Variants in CDC20B observed in about 807,000 individuals in gnomAD.
CDC20B encodes cell division cycle protein 20 homolog B.
Under a neutral mutation model 64.1 loss-of-function variants are expected in CDC20B, and 58 were observed. That is an observed-to-expected ratio of 0.90 (90% CI 0.73 to 1.13). CDC20B has a LOEUF of 1.13. Ranked by LOEUF, CDC20B falls within the 50% of genes most tolerant of loss-of-function variation. CDC20B has a pLI of 0.00. For synonymous variants in CDC20B, 243 were observed against 230.6 expected, an observed-to-expected ratio of 1.05 and a Z score of -0.49; for missense variants, 597 against 633.0, an observed-to-expected ratio of 0.94 and a Z score of 0.61.
In CDC20B at chr5:55,114,385, G is replaced by A. The variant is rs1252191695; in HGVS notation, c.1460-67C>T. ...CATGGGCTGCTGCTCAGGACTGTAG[G>A]CAATGTAAGTTGGGGCCATGAGTCC... On this transcript the variant is annotated intron_variant, in intron 11 of 11. Transcript: ENST00000381375. This position sits in a 1 kb window ranked among gnomAD's most constrained non-coding sequence, Gnocchi z 4.1. The A allele has an allele frequency of 1.3e-6, 2 of 1,556,746 alleles. No homozygotes were observed. The highest frequency in any genetic ancestry group is 1.7e-6 in the Non-Finnish European group (2 of 1,150,382).
chr5:55,121,779 A>G (rs1292199368), intron 9 of CDC20B, among the ~76,000 whole-genome samples: 1 of 152,154 alleles, frequency 6.6e-6, no homozygotes, highest in Non-Finnish European at 1.5e-5. Flanking sequence ...TACAAAACAG[A>G]TTATAAGGGT....
At chr5:55,139,620 G>T (rs1743276437) in intron 5 of CDC20B, among the ~76,000 whole-genome samples, 1 of 152,140 alleles carries the variant, frequency 6.6e-6, no homozygotes, top group Non-Finnish European at 1.5e-5. Context: ...TATATTATTT[G>T]GCTTGATAGT....
intron 2 of CDC20B, chr5:55,160,122 T>C (rs2111932318): frequency 8.6e-7 from 1 of 1,165,432 alleles, no homozygotes; most frequent in Non-Finnish European, 1.3e-6. Flanking sequence ...TCCGTTAAAC[T>C]AAGCCGGTTT....
chr5:55,127,956 C>G (rs1217254046), intron 7 of CDC20B, among the ~76,000 whole-genome samples: 1 of 152,004 alleles, frequency 6.6e-6, no homozygotes, highest in Non-Finnish European at 1.5e-5. Flanking sequence ...ATTGTTTATT[C>G]TATTGGTAAT....
At chr5:55,154,687 G>T (rs1743761879) in intron 2 of CDC20B, among the ~76,000 whole-genome samples, 2 of 152,148 alleles carry the variant, frequency 1.3e-5, no homozygotes, top group Admixed American at 1.3e-4. Context: ...AGCACAGTTT[G>T]AATATAAAGT....
rs1320272331 is a variant in CDC20B, at chr5:55,134,452, A to ACC, written c.581-926_581-925dup. ...CAACAAGGTTAAAAAAAAAATCAATACCCAAAGAATGAACAAAAAAACTCC... is the reference window on the plus strand; with the variant it reads ...CAACAAGGTTAAAAAAAAAATCAATACCCCCAAAGAATGAACAAAAAAACTCC... On this transcript the variant is annotated intron_variant, in intron 5 of 11. Coordinates refer to ENST00000381375, the MANE Select transcript of CDC20B (RefSeq NM_001170402.1). Among the ~76,000 whole-genome samples, 15 of 152,204 alleles carry ACC rather than the reference A, an allele frequency of 9.9e-5. No homozygotes were observed. The South Asian group carries it at 2.7e-3, about 27-fold the overall frequency.
intron 6 of CDC20B, among the ~76,000 whole-genome samples, chr5:55,129,878 A>G (rs1250379260): frequency 6.6e-6 from 1 of 152,228 alleles, no homozygotes; most frequent in Non-Finnish European, 1.5e-5. Flanking sequence ...CAAAACATCA[A>G]CATTCTCCAC....
At chr5:55,160,128 G>T in intron 2 of CDC20B, 2 of 1,231,076 alleles carry the variant, frequency 1.6e-6, no homozygotes, top group Non-Finnish European at 2.4e-6. Context: ...AAACTAAGCC[G>T]GTTTCAAGTT....
chr5:55,153,485 G>A (rs1435601752), intron 2 of CDC20B, among the ~76,000 whole-genome samples: 1 of 152,088 alleles, frequency 6.6e-6, no homozygotes, highest in Non-Finnish European at 1.5e-5. Context: ...CCCCCTGATA[G>A]ATATATGTAT....
At chr5:55,146,481 C>G (rs1169620941) in intron 3 of CDC20B, 147 bp downstream of exon 3, 1 of 612,198 alleles carries the variant, frequency 1.6e-6, no homozygotes, top group Non-Finnish European at 2.9e-6. Context: ...TTTCTCCCCA[C>G]CTTGGAAATT....
intron 2 of CDC20B, chr5:55,160,067 T>C (rs1401331438): frequency 1.5e-6 from 1 of 660,988 alleles, no homozygotes; most frequent in East Asian, 2.7e-5. Flanking sequence ...AAGTGGTCTT[T>C]CTGTTCCTTA....
intron 6 of CDC20B, among the ~76,000 whole-genome samples, chr5:55,130,674 A>G (rs1408728333): frequency 6.6e-6 from 1 of 152,232 alleles, no homozygotes; most frequent in Non-Finnish European, 1.5e-5. Flanking sequence ...AATATATGAA[A>G]GAGAAACTTG....
chr5:55,122,411 A>C (rs1267765994), intron 9 of CDC20B, among the ~76,000 whole-genome samples: 1 of 152,056 alleles, frequency 6.6e-6, no homozygotes, highest in Non-Finnish European at 1.5e-5. Flanking sequence ...TGCTGGGATT[A>C]CAGGCATGAG....
intron 5 of CDC20B, chr5:55,136,789 C>T (rs951190572): frequency 1.3e-5 from 2 of 152,038 alleles, no homozygotes; most frequent in African/African-American, 2.4e-5. Context: ...ATTCTGGCTC[C>T]CAAACAATTA....
At chr5:55,164,366 C>A in intron 2 of CDC20B, 1 of 436,996 alleles carries the variant, frequency 2.3e-6, no homozygotes, top group African/African-American at 2.0e-5. Context: ...CAACCTCTGC[C>A]TTTTTAAACA....
At chr5:55,132,020 C>T (rs1024287385) in intron 6 of CDC20B, among the ~76,000 whole-genome samples, 9 of 151,840 alleles carry the variant, frequency 5.9e-5, no homozygotes, top group Non-Finnish European at 1.2e-4. Flanking sequence ...CAGTGAGCCA[C>T]TGCACTCCAG....
intron 2 of CDC20B, among the ~76,000 whole-genome samples, chr5:55,148,529 C>T (rs1184843781): frequency 6.6e-6 from 1 of 152,044 alleles, no homozygotes; most frequent in Non-Finnish European, 1.5e-5. Flanking sequence ...GCCTGGGCAA[C>T]AAGACAAAAC....
chr5:55,149,158 ACACCAAAG>A (rs1265965036), intron 2 of CDC20B, among the ~76,000 whole-genome samples: 1 of 152,214 alleles, frequency 6.6e-6, no homozygotes, highest in Non-Finnish European at 1.5e-5. Context: ...AAACTAAACC[ACACCAAAG>A]CACCACTTCA....
chr5:55,150,152 TAA>T (rs1045345429), intron 2 of CDC20B, among the ~76,000 whole-genome samples: 91 of 152,200 alleles, frequency 6.0e-4, no homozygotes, highest in African/African-American at 2.0e-3. Context: ...AATAAAAAAT[TAA>T]AAAATAAAGG....
Sources: gnomAD v4.1 joint callset for allele counts (sites outside exome capture counted in the v4.1 genomes callset) on GRCh38, gnomAD v4.1.1 for gene constraint, Gnocchi (gnomAD v3.1) non-coding constraint, MANE v1.5 for transcripts, NCBI Gene and HGNC (gene_info 2026-07-23, HGNC 2026-07-21) for gene names.